Variants in ZDBF2 observed in about 807,000 individuals in gnomAD.
The protein encoded by ZDBF2 is DBF4-type zinc finger-containing protein 2.
In ZDBF2, 6 loss-of-function variants were observed where a neutral mutation model predicts 9.4. The observed-to-expected ratio is 0.64, with a 90% CI of 0.35 to 1.27. The LOEUF is 1.27. Ranked by LOEUF, ZDBF2 falls within the 50% of genes most tolerant of loss-of-function variation. The pLI is 0.03. For synonymous variants in ZDBF2, 905 were observed against 946.3 expected, an observed-to-expected ratio of 0.96 and a Z score of 0.80; for missense variants, 2,697 against 2,766.8, an observed-to-expected ratio of 0.97 and a Z score of 0.57.
intron 4 of ZDBF2, among the ~76,000 whole-genome samples, chr2:206,304,360 G>A (rs979801982): frequency 1.4e-4 from 22 of 152,196 alleles, no homozygotes; most frequent in Non-Finnish European, 7.3e-5. Context: ...GGAAAATAGT[G>A]TAAGATTCCC....
intron 2 of ZDBF2, among the ~76,000 whole-genome samples, chr2:206,281,365 T>C (rs1347478842): frequency 6.6e-6 from 1 of 152,176 alleles, no homozygotes; most frequent in East Asian, 1.9e-4. Context: ...TGTGGTGTCT[T>C]TACACTCATG....
intron 3 of ZDBF2, among the ~76,000 whole-genome samples, chr2:206,290,528 G>A (rs1407882791): frequency 2.0e-5 from 3 of 152,228 alleles, no homozygotes; most frequent in South Asian, 2.1e-4. Context: ...TCTTTCAGTG[G>A]TGTTTTGTAA....
rs200697237 is a variant in ZDBF2, at chr2:206,307,955, G to C, written c.3427G>C (p.Glu1143Gln). ...TATTAAACATGTGAACCTTGGGAAT[G>C]AAAACCATATGTACTTGGAAGTTAA... ...VAIKHVNLGN[E>Q]NHMYLEVKNS... Residue 1143 changes from glutamate (E) to glutamine (Q), a missense_variant, in exon 5 of 5, where the codon GAA (glutamate) becomes CAA (glutamine). Around this residue, in one of 3 missense-constraint regions of ZDBF2, gnomAD observed 1,783 missense variants for 1,776.5 expected, o/e 1.00. Transcript: ENST00000374423. The C allele has an allele frequency of 2.5e-6, 4 of 1,613,688 alleles. No individual in the cohort carries two copies. The Admixed American group carries it at 6.7e-5, about 27-fold the overall frequency.
Position 206,309,546 on chromosome 2 carries a change from C to G in ZDBF2, c.5018C>G (p.Ser1673Cys). The G allele has an allele frequency of 1.2e-6, 2 of 1,613,964 alleles. No individual in the cohort carries two copies. Among genetic ancestry groups the G allele is most frequent in the South Asian group, 2.2e-5 (2 of 91,076 alleles). Residue 1673 changes from serine (S) to cysteine (C), a missense_variant, in exon 5 of 5, where the codon TCT becomes TGT. By Grantham distance (112) the Ser-to-Cys change is moderately radical. This residue lies in a region of ZDBF2 where 1,783 missense variants were observed against 1,776.5 expected (regional missense o/e 1.00). Coordinates refer to ENST00000374423, the MANE Select transcript of ZDBF2 (RefSeq NM_020923.3). ...GGAAAATTTAATTTGGAAGACACTTCTCATCGAACGACTCACCGACTGCAG... is the reference window on the plus strand; with the variant it reads ...GGAAAATTTAATTTGGAAGACACTTGTCATCGAACGACTCACCGACTGCAG... Reference protein sequence around the residue: ...SKGKFNLEDTSHRTTHRLQKA... With the variant: ...SKGKFNLEDTCHRTTHRLQKA...
At chr2:206,298,735 A>G (rs898916111) in intron 4 of ZDBF2, among the ~76,000 whole-genome samples, 1 of 151,984 alleles carries the variant, frequency 6.6e-6, no homozygotes, top group Non-Finnish European at 1.5e-5. Context: ...CATGTTGGCC[A>G]GGCTGGTCTT....
Position 206,309,313 on chromosome 2 carries a change from C to A in ZDBF2, c.4785C>A (p.Asn1595Lys). ...NCKASTPSMT[N>K]QCKETFKIIN... ...AAGCCTCTACTCCCTCAATGACAAA[C>A]CAATGCAAAGAGACTTTCAAAATAA... is the stretch of plus-strand genomic sequence containing the variant. Residue 1595 changes from asparagine (N) to lysine (K), a missense_variant, in exon 5 of 5, where the codon AAC becomes AAA. Around this residue, in one of 3 missense-constraint regions of ZDBF2, gnomAD observed 1,783 missense variants for 1,776.5 expected, o/e 1.00. Transcript: ENST00000374423. The A allele has an allele frequency of 6.2e-7, 1 of 1,612,460 alleles. No individual in the cohort carries two copies. The highest frequency in any genetic ancestry group is 1.7e-5 in the Admixed American group (1 of 59,788).
chr2:206,308,077 G>A lies in ZDBF2; in HGVS notation c.3549G>A (p.Glu1183=), dbSNP rs1404473934. ...CTCAAATAACTATTTTGGAGCAGGAGCACATTGAACTAGAAGGTAAGCACA... is the reference window on the plus strand; with the variant it reads ...CTCAAATAACTATTTTGGAGCAGGAACACATTGAACTAGAAGGTAAGCACA... ...NRPQITILEQ[E]HIELEGKHNQ... is the part of the protein sequence containing the mutation. Residue 1183 remains glutamate (E), a synonymous_variant, in exon 5 of 5, where the codon GAG becomes GAA. Transcript: ENST00000374423. 4.3e-6 allele frequency: 7 copies of A among 1,613,840 alleles called. No individual in the cohort carries two copies. The highest frequency in any genetic ancestry group is 1.3e-5 in the African/African-American group (1 of 74,920).
chr2:206,305,851 G>C lies in ZDBF2; in HGVS notation c.1323G>C (p.Lys441Asn). ...AAGTACGTACTGATGTACAGTATAA[G>C]AATAATAAATCTTATGTTTCTAAAA... is the stretch of plus-strand genomic sequence containing the variant. ...SKEVRTDVQY[K>N]NNKSYVSKIS... The change falls in exon 5 of 5, where the codon AAG becomes AAC. Residue 441 changes from lysine (K) to asparagine (N), a missense_variant. Lys to Asn is a moderately conservative substitution (Grantham distance 94). This residue lies in a region of ZDBF2 where 910 missense variants were observed against 973.6 expected (regional missense o/e 0.93). Transcript: ENST00000374423. The C allele has an allele frequency of 1.2e-6, 2 of 1,613,172 alleles. No individual in the cohort carries two copies. The highest frequency in any genetic ancestry group is 1.7e-6 in the Non-Finnish European group (2 of 1,179,556).
Position 206,308,176 on chromosome 2 carries a change from A to G in ZDBF2, c.3648A>G (p.Glu1216=). Residue 1216 remains glutamate (E), a synonymous_variant, in exon 5 of 5, where the codon GAA becomes GAG. Transcript: ENST00000374423. The part of the protein sequence containing the change: ...PLQSVADRLR[E]TVKEISLWKD... ...AGTCAGTGGCTGACCGGCTGAGAGA[A>G]ACCGTTAAAGAAATAAGCCTTTGGA... The G allele has an allele frequency of 6.2e-7, 1 of 1,613,852 alleles. No individual in the cohort carries two copies. Among genetic ancestry groups the G allele is most frequent in the Non-Finnish European group, 8.5e-7 (1 of 1,179,826 alleles).
At chr2:206,296,316 C>G (rs1319272323) in intron 3 of ZDBF2, among the ~76,000 whole-genome samples, 3 of 152,178 alleles carry the variant, frequency 2.0e-5, no homozygotes, top group Admixed American at 6.5e-5. Flanking sequence ...CATGAATCAT[C>G]CATTTGTCCA....
chr2:206,304,695 A>G, intron 4 of ZDBF2, 22 bp from the exon 5 acceptor site: 1 of 1,574,912 alleles, frequency 6.3e-7, no homozygotes, highest in Non-Finnish European at 8.6e-7. Flanking sequence ...TATGTTTATG[A>G]GTTTCCCCCC....
intron 3 of ZDBF2, among the ~76,000 whole-genome samples, chr2:206,291,577 A>G (rs1246306577): frequency 2.0e-5 from 3 of 152,138 alleles, no homozygotes; most frequent in Non-Finnish European, 4.4e-5. Flanking sequence ...TTTAACCTAA[A>G]TTACCTCCTA....
rs376308378 is a variant in ZDBF2 at position 206,309,425 on chromosome 2, G to A, written c.4897G>A (p.Asp1633Asn). 6.2e-7 allele frequency: 1 copy of A among 1,613,650 alleles called. No homozygotes were observed. Among genetic ancestry groups the A allele is most frequent in the African/African-American group, 1.3e-5 (1 of 74,896 alleles). Residue 1633 changes from aspartate to asparagine, a missense_variant, in exon 5 of 5, where the codon GAT becomes AAT. This residue lies in a region of ZDBF2 where 1,783 missense variants were observed against 1,776.5 expected (regional missense o/e 1.00). Coordinates refer to ENST00000374423, the MANE Select transcript of ZDBF2 (RefSeq NM_020923.3). ...AATGAATTTTAATGTTGATGCCTCTGATCAGTCCATGACTTACGAGTCACA... is the reference window on the plus strand; with the variant it reads ...AATGAATTTTAATGTTGATGCCTCTAATCAGTCCATGACTTACGAGTCACA... ...SEMNFNVDAS[D>N]QSMTYESQGP...
intron 1 of ZDBF2, among the ~76,000 whole-genome samples, chr2:206,279,042 A>G (rs1204659744): frequency 1.3e-5 from 2 of 152,148 alleles, no homozygotes; most frequent in Non-Finnish European, 2.9e-5. Flanking sequence ...TTAACCAGTG[A>G]TCCTGGATAA....
Position 206,309,814 on chromosome 2 carries a change from G to A in ZDBF2, c.5286G>A (p.Gln1762=), listed in dbSNP as rs753984737. The A allele has an allele frequency of 6.2e-7, 1 of 1,613,784 alleles. No individual in the cohort carries two copies. Among genetic ancestry groups the A allele is most frequent in the East Asian group, 2.2e-5 (1 of 44,866 alleles). The change falls in exon 5 of 5, where the codon CAG becomes CAA. Residue 1762 remains glutamine, a synonymous_variant. Coordinates refer to ENST00000374423, the MANE Select transcript of ZDBF2 (RefSeq NM_020923.3). ...CCCCTCTTCCATCTGATACTGATCA[G>A]CCTCAAGAAACTGTTAAGAAAAGAC... ...CAPPLPSDTD[Q]PQETVKKRHP...
chr2:206,309,568 G>A lies in ZDBF2; in HGVS notation c.5040G>A (p.Leu1680=), dbSNP rs1311734797. ...CTTCTCATCGAACGACTCACCGACT[G>A]CAGAAAGCTCACAAAGAAGCCAGTC... is the stretch of plus-strand genomic sequence containing the variant. ...EDTSHRTTHR[L]QKAHKEASLR... The change falls in exon 5 of 5, where the codon CTG becomes CTA. Residue 1680 remains leucine (L), a synonymous_variant. Coordinates refer to ENST00000374423, the MANE Select transcript of ZDBF2 (RefSeq NM_020923.3). 1 of 1,613,844 alleles carries A rather than the reference G, an allele frequency of 6.2e-7. No homozygotes were observed. Among genetic ancestry groups the A allele is most frequent in the African/African-American group, 1.3e-5 (1 of 74,918 alleles).
intron 1 of ZDBF2, among the ~76,000 whole-genome samples, chr2:206,279,065 T>C (rs1489682954): frequency 6.6e-6 from 1 of 152,216 alleles, no homozygotes; most frequent in Non-Finnish European, 1.5e-5. Context: ...AGCAGCACTT[T>C]GCCTACAACA....
At chr2:206,281,374 T>C (rs1209032549) in intron 2 of ZDBF2, among the ~76,000 whole-genome samples, 3 of 152,226 alleles carry the variant, frequency 2.0e-5, no homozygotes, top group African/African-American at 7.2e-5. Context: ...TTTACACTCA[T>C]GATAACAGAG....
Position 206,305,099 on chromosome 2 carries a change from T to C in ZDBF2, c.571T>C (p.Leu191=), listed in dbSNP as rs759004268. 1 of 1,613,770 alleles carries C rather than the reference T, an allele frequency of 6.2e-7. No homozygotes were observed. The highest frequency in any genetic ancestry group is 8.5e-7 in the Non-Finnish European group (1 of 1,179,808). ...PVICNAPASC[L]PESSNDRPVT... ...GATTTGTAATGCTCCTGCTAGTTGT[T>C]TACCTGAAAGCTCTAACGATAGACC... Residue 191 remains leucine (L), a synonymous_variant, in exon 5 of 5, where the codon TTA becomes CTA. Transcript: ENST00000374423.
Sources: gnomAD v4.1 joint callset for allele counts (sites outside exome capture counted in the v4.1 genomes callset) on GRCh38, gnomAD v4.1.1 for gene constraint, gnomAD v4.1.1 regional missense constraint, MANE v1.5 for transcripts, NCBI Gene and HGNC (gene_info 2026-07-23, HGNC 2026-07-21) for gene names.